CCDC30: variants seen among roughly 807,000 people sequenced by gnomAD.
The protein encoded by CCDC30 is coiled-coil domain containing 30.
Under a neutral mutation model 100.2 loss-of-function variants are expected in CCDC30, and 70 were observed. The observed-to-expected ratio is 0.70, with a 90% CI of 0.58 to 0.85. The LOEUF (loss-of-function observed/expected upper bound fraction) is 0.85. Among genes scored for constraint, CCDC30 ranks in the 40% least tolerant of loss-of-function variants. The probability of loss-of-function intolerance (pLI) is 0.00; values close to 1 mark genes in which losing one functional copy is unlikely to be tolerated. For synonymous variants in CCDC30, 233 were observed against 269.5 expected, an observed-to-expected ratio of 0.86 and a Z score of 1.33; for missense variants, 652 against 771.2, an observed-to-expected ratio of 0.85 and a Z score of 1.83.
chr1:42,459,692 T>C, upstream of CCDC30: 1 of 1,614,226 alleles, frequency 6.2e-7, no homozygotes, highest in Non-Finnish European at 8.5e-7. Flanking sequence ...AGTTGGAGAC[T>C]GACCCCGCCA....
chr1:42,614,680 A>G (rs1388103510), intron 11 of CCDC30, among the ~76,000 whole-genome samples: 2 of 151,770 alleles, frequency 1.3e-5, no homozygotes, highest in African/African-American at 2.4e-5. Context: ...CCAGCTACTC[A>G]GGAGGCTGAG....
chr1:42,605,249 C>T (rs867960444), intron 10 of CCDC30, among the ~76,000 whole-genome samples: 11 of 152,204 alleles, frequency 7.2e-5, no homozygotes, highest in African/African-American at 2.7e-4. Context: ...TATAGCATTT[C>T]AAGTAATTTG....
downstream of CCDC30, among the ~76,000 whole-genome samples, chr1:42,656,960 C>A (rs1365216643): frequency 6.6e-6 from 1 of 152,124 alleles, no homozygotes; most frequent in African/African-American, 2.4e-5. Flanking sequence ...TAAAATTATA[C>A]TGAAGCGTGA....
At chr1:42,542,912 A>T (rs1645044353) in intron 6 of CCDC30, 1 of 153,730 alleles carries the variant, frequency 6.5e-6, no homozygotes, top group African/African-American at 2.4e-5. Context: ...TTTCTTTACT[A>T]CTTAAGTGAC....
chr1:42,558,166 G>T, intron 6 of CCDC30: 2 of 288,172 alleles, frequency 6.9e-6, no homozygotes, highest in Admixed American at 3.8e-5. Flanking sequence ...ATGTAGATGA[G>T]AAGAACTACT....
intron 6 of CCDC30, among the ~76,000 whole-genome samples, chr1:42,515,476 T>G (rs987273404): frequency 6.6e-6 from 1 of 152,200 alleles, no homozygotes; most frequent in African/African-American, 2.4e-5. Context: ...TTAGCATTTT[T>G]GTAAAAGGCC....
rs57060353 is a variant in CCDC30, at chr1:42,545,162, T to TAAAA, written c.457-21111_457-21108dup. ...CAACCCCAGAGTCCAAAAATACCTT[T>TAAAA]AAAAAAAAAAAAAAAAAAAAAAAAA... is the stretch of plus-strand genomic sequence containing the variant. On this transcript the variant is annotated intron_variant, in intron 6 of 16. Coordinates refer to ENST00000668663, the Ensembl canonical transcript of CCDC30. Among the ~76,000 whole-genome samples, 67 of 64,696 alleles carry TAAAA rather than the reference T, an allele frequency of 1.0e-3. 1 individual carries two copies. Among genetic ancestry groups the TAAAA allele is most frequent in the African/African-American group, 1.9e-3 (40 of 20,522 alleles). 42.4% of individuals were successfully genotyped at this position (64,696 alleles called of 152,430 possible).
chr1:42,493,325 C>G (rs552086981), intron 4 of CCDC30, among the ~76,000 whole-genome samples: 2 of 152,312 alleles, frequency 1.3e-5, no homozygotes, highest in Admixed American at 6.5e-5. Context: ...CGCAGTGGCT[C>G]ACGCCTGTAA....
At chr1:42,650,262 T>A (rs1449453664) in intron 15 of CCDC30, among the ~76,000 whole-genome samples, 1 of 152,006 alleles carries the variant, frequency 6.6e-6, no homozygotes, top group South Asian at 2.1e-4. Flanking sequence ...GGGGGCAGAT[T>A]GCTTGGGCCC....
intron 15 of CCDC30, among the ~76,000 whole-genome samples, 172 bp from the exon 20 acceptor site, chr1:42,653,204 A>G (rs533712393): frequency 5.3e-5 from 8 of 152,266 alleles, no homozygotes; most frequent in African/African-American, 1.7e-4. Context: ...GATAGGTTAT[A>G]TATATAGAGA....
At chr1:42,528,603 C>A (rs1311720328) in intron 6 of CCDC30, among the ~76,000 whole-genome samples, 1 of 152,120 alleles carries the variant, frequency 6.6e-6, no homozygotes, top group African/African-American at 2.4e-5. Flanking sequence ...TCTGCCAGCC[C>A]AACAGACGAT....
intron 5 of CCDC30, 37 bp downstream of exon 5, chr1:42,497,250 T>G (rs749452335): frequency 2.4e-5 from 27 of 1,136,324 alleles, no homozygotes; most frequent in Non-Finnish European, 2.9e-5. Flanking sequence ...TATTTAAATG[T>G]GTCTACCATA....
In CCDC30 at chr1:42,652,491, A is replaced by G. The variant is rs539460888; in HGVS notation, c.1855-885A>G. 1.3e-4 allele frequency among the ~76,000 whole-genome samples: 20 copies of G among 152,316 alleles called. No homozygotes were observed. The East Asian group carries it at 3.9e-3, about 29-fold the overall frequency. Reference sequence around the variant, plus strand: ...GGCACTTATAATTTGTCAATATTCAATAGTATAAATAAAAATTTGAAAAAA... The same window carrying G: ...GGCACTTATAATTTGTCAATATTCAGTAGTATAAATAAAAATTTGAAAAAA... On this transcript the variant is annotated intron_variant, in intron 15 of 16. Transcript: ENST00000668663.
At chr1:42,535,710 T>TATATATATATAATATATATATA (rs1378841586) in intron 6 of CCDC30, among the ~76,000 whole-genome samples, 7 of 99,624 alleles carry the variant, frequency 7.0e-5, no homozygotes, top group African/African-American at 2.6e-4. Context: ...ATATATATAT[T>TATATATATATAATATATATATA]ATATATATAA....
Position 42,510,700 on chromosome 1 carries a change from A to G in CCDC30, c.456+11784A>G, listed in dbSNP as rs182781636. ...GGAAAGCTTCTATATACTTATCAGC[A>G]TCGTCAGAAAATTGGCCTAAGTCTC... On this transcript the variant is annotated intron_variant, in intron 6 of 16. Coordinates refer to ENST00000668663, the Ensembl canonical transcript of CCDC30. 8.9e-4 allele frequency among the ~76,000 whole-genome samples: 135 copies of G among 151,922 alleles called. 2 individuals carry two copies. The East Asian group carries it at 0.021, about 23-fold the overall frequency.
chr1:42,463,350 C>T (rs1463536305), exon 1 of CCDC30: 1 of 152,234 alleles, frequency 6.6e-6, no homozygotes, highest in Non-Finnish European at 1.5e-5. Flanking sequence ...GGCCGAGCGA[C>T]CCCGGGACGC....
At chr1:42,540,927 C>A (rs778583485) in intron 6 of CCDC30, among the ~76,000 whole-genome samples, 1 of 152,156 alleles carries the variant, frequency 6.6e-6, no homozygotes. Flanking sequence ...TGAGATCCAA[C>A]CCAGGATCAT....
chr1:42,533,592 A>G (rs1312986810), intron 6 of CCDC30, among the ~76,000 whole-genome samples: 1 of 152,176 alleles, frequency 6.6e-6, no homozygotes, highest in Admixed American at 6.5e-5. Context: ...GGAGATTTAT[A>G]TAGGGGACTT....
intron 1 of CCDC30, among the ~76,000 whole-genome samples, chr1:42,471,721 G>A (rs1643776145): frequency 6.6e-6 from 1 of 152,142 alleles, no homozygotes; most frequent in African/African-American, 2.4e-5. Context: ...TATATGTCAT[G>A]AAGAGGACCT....
Sources: gnomAD v4.1 joint callset for allele counts (sites outside exome capture counted in the v4.1 genomes callset) on GRCh38, gnomAD v4.1.1 for gene constraint, MANE v1.5 for transcripts, NCBI Gene and HGNC (gene_info 2026-07-23, HGNC 2026-07-21) for gene names.